The following GALNTL6 variants were observed in gnomAD, a reference collection of about 807,000 sequenced individuals.
The protein encoded by GALNTL6 is polypeptide N-acetylgalactosaminyltransferase like 6, also known as polypeptide N-acetylgalactosaminyltransferase-like 6.
GALNTL6 carries 46 observed loss-of-function variants against 73.7 expected under a neutral mutation model. The observed-to-expected ratio is 0.62, with a 90% CI of 0.49 to 0.80. GALNTL6 has a LOEUF of 0.80. Among genes scored for constraint, GALNTL6 ranks in the 30% least tolerant of loss-of-function variants. The probability of loss-of-function intolerance (pLI) is 0.00; values close to 1 mark genes in which losing one functional copy is unlikely to be tolerated. For synonymous variants in GALNTL6, 259 were observed against 263.7 expected (o/e 0.98, Z 0.17); for missense variants, 604 against 755.0 (o/e 0.80, Z 2.34).
intron 5 of GALNTL6, among the ~76,000 whole-genome samples, chr4:172,768,487 A>G (rs1428362476): frequency 6.6e-6 from 1 of 152,200 alleles, no homozygotes. Flanking sequence ...GATTTATTGA[A>G]AAATGAAAAG....
chr4:172,020,378 T>C lies in GALNTL6; in HGVS notation c.138+205660T>C, dbSNP rs569619791. On this transcript the variant is annotated intron_variant, in intron 2 of 12. Coordinates refer to ENST00000506823, the MANE Select transcript of GALNTL6 (RefSeq NM_001034845.3). ...AGATCAAAGAAACAAAAGGTTGCTT[T>C]TTTTTTTTGAAAAGTTAAACAAAAT... is the stretch of plus-strand genomic sequence containing the variant. 8.6e-5 allele frequency among the ~76,000 whole-genome samples: 13 copies of C among 150,948 alleles called. No homozygotes were observed. The East Asian group carries it at 2.5e-3, about 29-fold the overall frequency.
chr4:171,884,469 C>T (rs949515933), intron 2 of GALNTL6, among the ~76,000 whole-genome samples: 1 of 151,922 alleles, frequency 6.6e-6, no homozygotes, highest in Admixed American at 6.6e-5. Context: ...TAGTGTCATG[C>T]TCAAAGCTTT....
At chr4:172,340,702 T>C (rs1012351504) in intron 4 of GALNTL6, among the ~76,000 whole-genome samples, 8 of 152,232 alleles carry the variant, frequency 5.3e-5, no homozygotes, top group Non-Finnish European at 7.3e-5. Context: ...GAGCTATATT[T>C]AGGCTAGGGA....
chr4:171,836,056 A>C (rs1735086143), intron 2 of GALNTL6, among the ~76,000 whole-genome samples: 2 of 137,224 alleles, frequency 1.5e-5, no homozygotes, highest in Admixed American at 1.4e-4. Context: ...GCCATACAGC[A>C]TCATAAAATA....
chr4:172,881,841 G>A (rs1458545390), intron 7 of GALNTL6, among the ~76,000 whole-genome samples: 2 of 152,202 alleles, frequency 1.3e-5, no homozygotes, highest in East Asian at 3.9e-4. Context: ...AAACAGTGTT[G>A]TGGTGAAGAG....
intron 2 of GALNTL6, among the ~76,000 whole-genome samples, chr4:171,859,095 C>T (rs1735764219): frequency 6.6e-6 from 1 of 151,922 alleles, no homozygotes; most frequent in Non-Finnish European, 1.5e-5. Flanking sequence ...TTGAGAATAC[C>T]TCTCAATGTC....
intron 5 of GALNTL6, among the ~76,000 whole-genome samples, chr4:172,433,113 A>G (rs2111386306): frequency 6.6e-6 from 1 of 152,318 alleles, no homozygotes; most frequent in Admixed American, 6.5e-5. Context: ...TGTGTGTTTA[A>G]GAATAGAGAA....
intron 5 of GALNTL6, among the ~76,000 whole-genome samples, chr4:172,451,372 AT>A (rs1371994146): frequency 6.6e-6 from 1 of 152,260 alleles, no homozygotes; most frequent in African/African-American, 2.4e-5. Context: ...AAATGTTCAC[AT>A]ATTAAATTAT....
At chr4:172,926,283 CTA>C (rs1748054380) in intron 8 of GALNTL6, among the ~76,000 whole-genome samples, 1 of 152,136 alleles carries the variant, frequency 6.6e-6, no homozygotes, top group Non-Finnish European at 1.5e-5. Flanking sequence ...CCCAAGGACC[CTA>C]CCTCTGAATA....
At chr4:172,742,815 C>T (rs1736881808) in intron 5 of GALNTL6, among the ~76,000 whole-genome samples, 1 of 152,042 alleles carries the variant, frequency 6.6e-6, no homozygotes, top group Non-Finnish European at 1.5e-5. Flanking sequence ...AATACTATAG[C>T]AGTCCACTTC....
chr4:172,720,261 G>A (rs1464242213), intron 5 of GALNTL6, among the ~76,000 whole-genome samples: 1 of 152,140 alleles, frequency 6.6e-6, no homozygotes, highest in Non-Finnish European at 1.5e-5. Context: ...TTTAAAGGGT[G>A]AGTAAAGCAG....
In GALNTL6 at chr4:172,315,640, A is replaced by G. The variant is rs556361004; in HGVS notation, c.386+3888A>G. 1.8e-4 allele frequency among the ~76,000 whole-genome samples: 27 copies of G among 152,338 alleles called. No individual in the cohort carries two copies. The South Asian group carries it at 2.7e-3, about 15-fold the overall frequency. ...TCTGTTAGTGCCAAGTCATGTCTGTATCCATAGTGCCTGTGATCAGCCTGA... is the reference window on the plus strand; with the variant it reads ...TCTGTTAGTGCCAAGTCATGTCTGTGTCCATAGTGCCTGTGATCAGCCTGA... On this transcript the variant is annotated intron_variant, in intron 4 of 12. Coordinates refer to ENST00000506823, the MANE Select transcript of GALNTL6 (RefSeq NM_001034845.3).
chr4:172,771,267 A>G (rs1438605568), intron 5 of GALNTL6, among the ~76,000 whole-genome samples: 2 of 152,334 alleles, frequency 1.3e-5, no homozygotes, highest in East Asian at 1.9e-4. Flanking sequence ...AACAACAAAT[A>G]GCAGTTGTTT....
chr4:172,740,780 T>G (rs993853774), intron 5 of GALNTL6, among the ~76,000 whole-genome samples: 3 of 152,120 alleles, frequency 2.0e-5, no homozygotes, highest in African/African-American at 7.2e-5. Context: ...TGTTACCTAG[T>G]GTGTGTAGGT....
At chr4:172,678,850 T>C (rs956234498) in intron 5 of GALNTL6, among the ~76,000 whole-genome samples, 3 of 152,206 alleles carry the variant, frequency 2.0e-5, no homozygotes, top group African/African-American at 7.2e-5. Flanking sequence ...GTTGAAAATA[T>C]ATTCTCCCAC....
chr4:172,915,626 G>A (rs1024712839), intron 8 of GALNTL6, among the ~76,000 whole-genome samples: 10 of 152,106 alleles, frequency 6.6e-5, no homozygotes, highest in African/African-American at 2.4e-4. Flanking sequence ...ACACTTCTAC[G>A]CAAATAAACT....
chr4:171,870,276 G>A (rs1395459057), intron 2 of GALNTL6, among the ~76,000 whole-genome samples: 20 of 152,144 alleles, frequency 1.3e-4, no homozygotes, highest in Admixed American at 1.3e-3. Context: ...TGCCCAGAAA[G>A]TATCCTTAAG....
At chr4:172,878,578 G>A (rs1217650675) in intron 7 of GALNTL6, among the ~76,000 whole-genome samples, 5 of 151,388 alleles carry the variant, frequency 3.3e-5, no homozygotes, top group Non-Finnish European at 7.4e-5. Flanking sequence ...ATAAAAGAAA[G>A]GTATATGCCA....
chr4:172,429,462 G>A (rs955817377), intron 5 of GALNTL6, among the ~76,000 whole-genome samples: 4 of 151,904 alleles, frequency 2.6e-5, no homozygotes, highest in African/African-American at 7.3e-5. Context: ...TGCCCACCTC[G>A]GCCTCCCGAA....
Sources: allele counts gnomAD v4.1 joint callset (sites outside exome capture counted in the v4.1 genomes callset), GRCh38; gene constraint gnomAD v4.1.1; transcripts MANE v1.5; gene names NCBI Gene and HGNC (gene_info 2026-07-23, HGNC 2026-07-21).